The following SPC24 variants were observed in gnomAD, a reference collection of about 807,000 sequenced individuals.
SPC24 encodes kinetochore protein Spc24.
SPC24 carries 31 observed loss-of-function variants against 27.6 expected under a neutral mutation model. That is an observed-to-expected ratio of 1.12 (90% CI 0.84 to 1.52). The LOEUF (loss-of-function observed/expected upper bound fraction) is 1.52, where lower values mean the gene tolerates loss of function less well. Among genes scored for constraint, SPC24 ranks in the 40% most tolerant of loss-of-function variants. The probability of loss-of-function intolerance (pLI) is 0.00; values close to 1 mark genes in which losing one functional copy is unlikely to be tolerated. For synonymous variants in SPC24, 105 were observed against 105.8 expected, an observed-to-expected ratio of 0.99 and a Z score of 0.05; for missense variants, 284 against 252.5, an observed-to-expected ratio of 1.12 and a Z score of -0.84.
chr19:11,149,434 G>A lies in SPC24; in HGVS notation c.161-196C>T, dbSNP rs184171852. On this transcript the variant is annotated intron_variant, in intron 1 of 4. Transcript: ENST00000592540. ...TTAAATACACTAAAAATAAAGCCTC[G>A]TCCTTCACACACCTAAAATATAACA... is the stretch of plus-strand genomic sequence containing the variant. 7.4e-5 allele frequency: 31 copies of A among 417,620 alleles called. No homozygotes were observed. The East Asian group carries it at 8.3e-4, about 11-fold the overall frequency. The allele number at this position is 417,620 out of a possible 1,614,324, so 25.9% of individuals were successfully genotyped here. A position where few individuals can be genotyped will look rare whatever the true frequency, so the allele number is the denominator to read the frequency against.
chr19:11,148,692 G>T (rs549595106), intron 2 of SPC24, among the ~76,000 whole-genome samples: 1 of 152,218 alleles, frequency 6.6e-6, no homozygotes, highest in Non-Finnish European at 1.5e-5. Context: ...CTGTTGCCCA[G>T]GCTGGAGTGC....
intron 1 of SPC24, among the ~76,000 whole-genome samples, chr19:11,154,690 A>C (rs1207850780): frequency 6.6e-6 from 1 of 150,680 alleles, no homozygotes; most frequent in Non-Finnish European, 1.5e-5. Context: ...AATTCCTCGT[A>C]AGGTTCCTAG....
In SPC24 at chr19:11,149,096, G is replaced by A; in HGVS notation, c.303C>T (p.Leu101=). The change falls in exon 2 of 5, where the codon CTC becomes CTT. Residue 101 remains leucine, a splice_region_variant and synonymous_variant. Coordinates refer to ENST00000592540, the MANE Select transcript of SPC24 (RefSeq NM_182513.4). ...GATCCCCTAGCAGAAAAGGATATAG[G>A]AGGCTGGCCTTCAGACGGGTGTCCT... ...GEEDTRLKAS[L]LQLTRELEEL... is the part of the protein sequence containing the mutation. The A allele has an allele frequency of 6.6e-7, 1 of 1,526,306 alleles. No individual in the cohort carries two copies. The highest frequency in any genetic ancestry group is 8.8e-7 in the Non-Finnish European group (1 of 1,137,586). The allele number at this position is 1,526,306 out of a possible 1,614,324, so 94.5% of individuals were successfully genotyped here.
chr19:11,147,293 AGGCACAGATGTAAGGAAAGCCCG>A lies in SPC24; in HGVS notation c.488-27_488-5del. 2 of 1,559,002 alleles carry A rather than the reference AGGCACAGATGTAAGGAAAGCCCG, an allele frequency of 1.3e-6. No individual in the cohort carries two copies. Among genetic ancestry groups the A allele is most frequent in the Non-Finnish European group, 1.7e-6 (2 of 1,150,212 alleles). On this transcript the variant is annotated splice_region_variant and splice_polypyrimidine_tract_variant and intron_variant, in intron 4 of 4. Coordinates refer to ENST00000592540, the MANE Select transcript of SPC24 (RefSeq NM_182513.4). Reference sequence around the variant, plus strand: ...GCCACACTGGGGCCATGATGGACTGAGGCACAGATGTAAGGAAAGCCCGGGACACACAGCCCCTCACACAACCC... The same window carrying A: ...GCCACACTGGGGCCATGATGGACTGAGGACACACAGCCCCTCACACAACCC...
At chr19:11,150,338 T>C (rs2077861353) in intron 1 of SPC24, among the ~76,000 whole-genome samples, 1 of 150,558 alleles carries the variant, frequency 6.6e-6, no homozygotes, top group East Asian at 2.0e-4. Context: ...AATACAAAAT[T>C]AGCTGGGCGT....
At chr19:11,154,643 T>C (rs2077897444) in intron 1 of SPC24, among the ~76,000 whole-genome samples, 2 of 151,888 alleles carry the variant, frequency 1.3e-5, no homozygotes, top group Admixed American at 1.3e-4. Context: ...AAAGGGTAGA[T>C]ATTGTATGAT....
chr19:11,149,317 TC>T, intron 1 of SPC24, 79 bp from the exon 2 acceptor site: 1 of 1,322,594 alleles, frequency 7.6e-7, no homozygotes. Flanking sequence ...TCCACTTGCC[TC>T]CACTGGCAAG....
Position 11,147,260 on chromosome 19 carries a change from T to A in SPC24, c.517A>T (p.Ile173Phe), listed in dbSNP as rs778378194. The change falls in exon 5 of 5, where the codon ATC becomes TTC. Residue 173 changes from isoleucine to phenylalanine, a missense_variant. Physicochemically the swap from Ile to Phe is conservative, Grantham distance 21. Transcript: ENST00000592540. ...GAGAGCTGGGTGCTGTCCAGGTGGA[T>A]GGGCTGGGCCACACTGGGGCCATGA... ...IHHGPSVAQP[I>F]HLDSTQLSRK... The A allele has an allele frequency of 1.3e-6, 2 of 1,567,686 alleles. No individual in the cohort carries two copies. The highest frequency in any genetic ancestry group is 1.2e-5 in the South Asian group (1 of 85,178).
intron 1 of SPC24, among the ~76,000 whole-genome samples, chr19:11,152,896 G>A (rs1047788605): frequency 1.3e-5 from 2 of 151,836 alleles, no homozygotes; most frequent in Non-Finnish European, 2.9e-5. Flanking sequence ...TCTTCTGCTT[G>A]CCAAGTTCAT....
intron 2 of SPC24, 117 bp downstream of exon 2, chr19:11,148,977 G>T: frequency 9.5e-7 from 1 of 1,055,546 alleles, no homozygotes; most frequent in Non-Finnish European, 1.3e-6. Flanking sequence ...CAACTCCTGG[G>T]CTCAAGTGAT....
chr19:11,153,423 T>C (rs1241981310), intron 1 of SPC24, among the ~76,000 whole-genome samples: 1 of 149,730 alleles, frequency 6.7e-6, no homozygotes, highest in Admixed American at 6.7e-5. Flanking sequence ...CACTCCAGCC[T>C]GGGTGACAGA....
rs1948115216 is a variant in SPC24, at chr19:11,146,898, T to C, written c.*285A>G. On this transcript the variant is annotated 3_prime_UTR_variant, in exon 5 of 5. Coordinates refer to ENST00000592540, the MANE Select transcript of SPC24 (RefSeq NM_182513.4). ...GAGTTCAAGACCAGCCTGACCACCA[T>C]GGTGAAACTCCATCTCTACCAAATA... 6 of 195,426 alleles carry C rather than the reference T, an allele frequency of 3.1e-5. 1 individual carries two copies. The South Asian group carries it at 4.3e-4, about 14-fold the overall frequency. The allele number at this position is 195,426 out of a possible 1,614,324, so 12.1% of individuals were successfully genotyped here.
intron 4 of SPC24, chr19:11,147,593 C>G (rs1238536505): frequency 1.7e-6 from 1 of 583,632 alleles, no homozygotes; most frequent in African/African-American, 1.9e-5. Flanking sequence ...CACACTTGGC[C>G]TGCTATACTT....
chr19:11,151,322 C>T (rs1160019470), intron 1 of SPC24, among the ~76,000 whole-genome samples: 1 of 152,106 alleles, frequency 6.6e-6, no homozygotes, highest in African/African-American at 2.4e-5. Context: ...CTGAAGCAGC[C>T]ACTTTCAAGT....
chr19:11,152,780 A>G (rs1427785512), intron 1 of SPC24, among the ~76,000 whole-genome samples: 1 of 152,000 alleles, frequency 6.6e-6, no homozygotes, highest in Non-Finnish European at 1.5e-5. Flanking sequence ...TGGAAGAAGG[A>G]GGAGGGAAGG....
chr19:11,147,713 T>C (rs1455875269), intron 4 of SPC24, 105 bp downstream of exon 4: 4 of 1,032,818 alleles, frequency 3.9e-6, no homozygotes, highest in Admixed American at 2.1e-5. Flanking sequence ...GGACAACAGA[T>C]GCACGCCACC....
At chr19:11,148,151 G>A (rs2147313763) in intron 2 of SPC24, 34 bp from the exon 3 acceptor site, 2 of 1,490,814 alleles carry the variant, frequency 1.3e-6, no homozygotes, top group Non-Finnish European at 1.9e-6. Flanking sequence ...CGGCTTTCGA[G>A]AGAGGGCTGC....
chr19:11,150,422 G>T (rs1242221113), intron 1 of SPC24, among the ~76,000 whole-genome samples: 1 of 151,624 alleles, frequency 6.6e-6, no homozygotes, highest in Admixed American at 6.6e-5. Flanking sequence ...GGAGGCGGAG[G>T]TTGCGGTGAG....
chr19:11,150,447 T>C (rs1018297495), intron 1 of SPC24, among the ~76,000 whole-genome samples: 39 of 150,306 alleles, frequency 2.6e-4, no homozygotes, highest in African/African-American at 6.9e-4. Flanking sequence ...CATCGCGCCA[T>C]TGCACTCCAG....
Sources: allele counts gnomAD v4.1 joint callset (sites outside exome capture counted in the v4.1 genomes callset), GRCh38; gene constraint gnomAD v4.1.1; transcripts MANE v1.5; gene names NCBI Gene and HGNC (gene_info 2026-07-23, HGNC 2026-07-21).